ZNF407: variants seen among roughly 807,000 people sequenced by gnomAD.
The protein encoded by ZNF407 is zinc finger protein 407.
ZNF407 carries 17 observed loss-of-function variants against 131.2 expected under a neutral mutation model. The ratio of observed to expected loss-of-function variants is 0.13; its 90% CI spans 0.09 to 0.19. The LOEUF is 0.19. Ranked by LOEUF, ZNF407 falls within the 10% of genes least tolerant of loss-of-function variation. ZNF407 has a pLI of 1.00. For synonymous variants in ZNF407, 1,156 were observed against 1,062.0 expected (o/e 1.09, Z -1.72); for missense variants, 2,681 against 2,830.6 (o/e 0.95, Z 1.20).
chr18:75,042,001 A>ATATT (rs1973379318), intron 8 of ZNF407, among the ~76,000 whole-genome samples: 1 of 151,226 alleles, frequency 6.6e-6, no homozygotes, highest in East Asian at 1.9e-4. Flanking sequence ...TGATTGATAC[A>ATATT]TATTTGGCCT....
In ZNF407 at chr18:74,809,683, G is replaced by A. The variant is rs1970166151; in HGVS notation, c.4877+28181G>A. Among the ~76,000 whole-genome samples, 7 of 152,314 alleles carry A rather than the reference G, an allele frequency of 4.6e-5. No homozygotes were observed. The South Asian group carries it at 1.4e-3, about 32-fold the overall frequency. On this transcript the variant is annotated intron_variant, in intron 4 of 8. Coordinates refer to ENST00000299687, the MANE Select transcript of ZNF407 (RefSeq NM_017757.3). ...ATCGATAATACAAAAGATTATTAAT[G>A]GAGTCTAGATCAGGAATTGGTAATT...
At chr18:74,888,431 G>A (rs1971340550) in intron 6 of ZNF407, among the ~76,000 whole-genome samples, 1 of 151,974 alleles carries the variant, frequency 6.6e-6, no homozygotes, top group Non-Finnish European at 1.5e-5. Context: ...TCAAATCAAT[G>A]TAACATTATT....
At chr18:74,933,638 A>G (rs1383319489) in intron 8 of ZNF407, among the ~76,000 whole-genome samples, 1 of 152,202 alleles carries the variant, frequency 6.6e-6, no homozygotes, top group Non-Finnish European at 1.5e-5. Context: ...ACACTTACCC[A>G]TTTTAGAAGA....
Position 74,701,344 on chromosome 18 carries a change from T to C in ZNF407, c.4802+60222T>C, listed in dbSNP as rs551381723. Among the ~76,000 whole-genome samples, 12 of 152,346 alleles carry C rather than the reference T, an allele frequency of 7.9e-5. No individual in the cohort carries two copies. The South Asian group carries it at 2.5e-3, about 32-fold the overall frequency. On this transcript the variant is annotated intron_variant, in intron 3 of 8. Coordinates refer to ENST00000299687, the MANE Select transcript of ZNF407 (RefSeq NM_017757.3). ...GAGCATCTCATCGCAAAGAAATAAC[T>C]ATTATTGCAAACTGTGAGTTAGCAA...
intron 3 of ZNF407, among the ~76,000 whole-genome samples, chr18:74,729,621 A>G (rs1201053441): frequency 8.5e-5 from 13 of 152,140 alleles, no homozygotes; most frequent in Admixed American, 8.5e-4. Context: ...AGGGTAGAAC[A>G]TAGGTATAAG....
chr18:74,832,687 G>A (rs1970502371), intron 4 of ZNF407, among the ~76,000 whole-genome samples: 1 of 152,102 alleles, frequency 6.6e-6, no homozygotes, highest in Non-Finnish European at 1.5e-5. Context: ...GAATCTTACA[G>A]TTGTAGATTT....
At chr18:74,921,297 G>C (rs1971843827) in intron 8 of ZNF407, among the ~76,000 whole-genome samples, 1 of 152,190 alleles carries the variant, frequency 6.6e-6, no homozygotes, top group African/African-American at 2.4e-5. Context: ...CGATGTGGCT[G>C]CAACTGCAGA....
chr18:74,611,127 A>G (rs997197243), intron 1 of ZNF407, among the ~76,000 whole-genome samples: 1 of 152,250 alleles, frequency 6.6e-6, no homozygotes, highest in Non-Finnish European at 1.5e-5. Context: ...ACTCACAAAA[A>G]TCAACCGCAG....
Position 74,703,985 on chromosome 18 carries a change from TAGTC to T in ZNF407, c.4802+62865_4802+62868del, listed in dbSNP as rs772711662. On this transcript the variant is annotated intron_variant, in intron 3 of 8. Coordinates refer to ENST00000299687, the MANE Select transcript of ZNF407 (RefSeq NM_017757.3). The surrounding 1 kb of genome is among the most constrained non-coding windows in gnomAD (Gnocchi z 4.1). The stretch of plus-strand genomic sequence containing the variant: ...TTTTTATTTTTTTGCATCTCACAGA[TAGTC>T]ATTCATGTCATGAAGTTAATGACAT... Among the ~76,000 whole-genome samples, 7 of 152,182 alleles carry T rather than the reference TAGTC, an allele frequency of 4.6e-5. No homozygotes were observed. Among genetic ancestry groups the T allele is most frequent in the African/African-American group, 7.2e-5 (3 of 41,448 alleles).
intron 4 of ZNF407, among the ~76,000 whole-genome samples, chr18:74,800,292 A>T (rs144676403): frequency 6.6e-6 from 1 of 152,054 alleles, no homozygotes; most frequent in Non-Finnish European, 1.5e-5. Flanking sequence ...TTCTTATGCT[A>T]ATTTTGTGCA....
chr18:74,702,545 G>C (rs1036982307), intron 3 of ZNF407, among the ~76,000 whole-genome samples: 1 of 151,916 alleles, frequency 6.6e-6, no homozygotes, highest in Non-Finnish European at 1.5e-5. Context: ...AGACTGTAAG[G>C]CATGTGGATA....
intron 8 of ZNF407, among the ~76,000 whole-genome samples, chr18:75,033,776 G>A (rs1156289915): frequency 1.3e-5 from 2 of 152,172 alleles, no homozygotes; most frequent in African/African-American, 4.8e-5. Flanking sequence ...TGCTTCAGAA[G>A]GAGAGAATTT....
chr18:74,640,307 A>G (rs979682420), intron 2 of ZNF407, among the ~76,000 whole-genome samples: 2 of 152,160 alleles, frequency 1.3e-5, no homozygotes, highest in African/African-American at 4.8e-5. Flanking sequence ...TGAAATGACA[A>G]CAAATTTTGT....
At chr18:74,725,959 T>C (rs141090078) in intron 3 of ZNF407, among the ~76,000 whole-genome samples, 2,284 of 152,290 alleles carry the variant, frequency 0.015, 15 homozygotes, top group Non-Finnish European at 0.021. Flanking sequence ...CTGTGTAATG[T>C]TTTTGATATT....
chr18:74,877,668 T>G (rs909515567), intron 5 of ZNF407, among the ~76,000 whole-genome samples: 4 of 152,236 alleles, frequency 2.6e-5, no homozygotes, highest in Admixed American at 6.5e-5. Flanking sequence ...TAACATGTCT[T>G]TTTAGAAGAT....
At chr18:74,663,238 C>T (rs953219512) in intron 3 of ZNF407, among the ~76,000 whole-genome samples, 3 of 152,058 alleles carry the variant, frequency 2.0e-5, no homozygotes, top group Non-Finnish European at 2.9e-5. Flanking sequence ...TGCTTGTCCC[C>T]GGGTAGCTCT....
intron 1 of ZNF407, among the ~76,000 whole-genome samples, chr18:74,621,211 A>G (rs1448959955): frequency 2.6e-5 from 4 of 152,160 alleles, no homozygotes; most frequent in African/African-American, 7.2e-5. Flanking sequence ...AGTAATAACT[A>G]TATCATTTGT....
rs1265770051 is a variant in ZNF407, at chr18:74,633,881, C to T, written c.2862C>T (p.Thr954=). 4 of 1,613,886 alleles carry T rather than the reference C, an allele frequency of 2.5e-6. No homozygotes were observed. In the South Asian group the frequency reaches 3.3e-5, roughly 13 times the overall value. The change falls in exon 2 of 9, where the codon ACC becomes ACT. Residue 954 remains threonine (T), a synonymous_variant. Coordinates refer to ENST00000299687, the MANE Select transcript of ZNF407 (RefSeq NM_017757.3). ...CTAACAAACCAGCTGAGTCACCCACCTCCGTTTTAGAGAAGCCAGATCGTG... is the reference window on the plus strand; with the variant it reads ...CTAACAAACCAGCTGAGTCACCCACTTCCGTTTTAGAGAAGCCAGATCGTG... ...EHANKPAESP[T]SVLEKPDRGN...
intron 8 of ZNF407, among the ~76,000 whole-genome samples, chr18:74,928,722 A>G (rs936525666): frequency 5.3e-5 from 8 of 152,102 alleles, no homozygotes; most frequent in African/African-American, 1.9e-4. Context: ...GTTAATGCCG[A>G]CCAGTTGTGC....
Sources: allele counts gnomAD v4.1 joint callset (sites outside exome capture counted in the v4.1 genomes callset), GRCh38; gene constraint gnomAD v4.1.1; non-coding constraint Gnocchi (gnomAD v3.1); transcripts MANE v1.5; gene names NCBI Gene and HGNC (gene_info 2026-07-23, HGNC 2026-07-21).